MYO1D: variants seen among roughly 807,000 people sequenced by gnomAD.
The protein encoded by MYO1D is myosin ID.
In MYO1D, 83 loss-of-function variants were observed where a neutral mutation model predicts 122.0. The ratio of observed to expected loss-of-function variants is 0.68; its 90% confidence interval spans 0.57 to 0.82. The LOEUF (loss-of-function observed/expected upper bound fraction) is 0.82, where lower values mean the gene tolerates loss of function less well. Ranked by LOEUF, MYO1D falls within the 40% of genes least tolerant of loss-of-function variation. The probability of loss-of-function intolerance (pLI) is 0.00; values close to 1 mark genes in which losing one functional copy is unlikely to be tolerated. For synonymous variants in MYO1D, 464 were observed against 446.9 expected (o/e 1.04, Z -0.48); for missense variants, 1,157 against 1,269.5 (o/e 0.91, Z 1.35).
intron 1 of MYO1D, among the ~76,000 whole-genome samples, chr17:32,855,297 G>A (rs1176341544): frequency 6.6e-6 from 1 of 152,074 alleles, no homozygotes; most frequent in East Asian, 1.9e-4. Context: ...GGCACCCCCA[G>A]ATACCCTCCT....
chr17:32,609,720 T>C (rs1468411121), intron 20 of MYO1D, among the ~76,000 whole-genome samples: 1 of 152,114 alleles, frequency 6.6e-6, no homozygotes, highest in African/African-American at 2.4e-5. Context: ...TACATTTTCA[T>C]AGGAGGTGAG....
intron 16 of MYO1D, among the ~76,000 whole-genome samples, chr17:32,660,132 T>C (rs1258311847): frequency 5.9e-5 from 9 of 152,150 alleles, no homozygotes; most frequent in Non-Finnish European, 1.3e-4. Context: ...TCTTCCACAA[T>C]ATGGAAGTGT....
intron 21 of MYO1D, among the ~76,000 whole-genome samples, chr17:32,595,667 T>G (rs2087484533): frequency 6.6e-6 from 1 of 152,170 alleles, no homozygotes; most frequent in South Asian, 2.1e-4. Flanking sequence ...CAATGAGTAT[T>G]CAACAGTTAT....
chr17:32,765,956 C>A (rs1177443238), intron 7 of MYO1D, among the ~76,000 whole-genome samples: 1 of 152,038 alleles, frequency 6.6e-6, no homozygotes, highest in Non-Finnish European at 1.5e-5. Flanking sequence ...CACCATGGCT[C>A]ACTGCAGCCT....
chr17:32,684,882 T>G (rs2088983846), intron 16 of MYO1D, among the ~76,000 whole-genome samples: 1 of 152,220 alleles, frequency 6.6e-6, no homozygotes, highest in Non-Finnish European at 1.5e-5. Flanking sequence ...AAAATTTCAC[T>G]GAAAATACAA....
chr17:32,751,782 C>T (rs956697911), intron 11 of MYO1D, among the ~76,000 whole-genome samples: 1 of 151,708 alleles, frequency 6.6e-6, no homozygotes, highest in African/African-American at 2.4e-5. Flanking sequence ...ATAGATGACA[C>T]AAAAAAATGA....
At chr17:32,544,677 T>C (rs953117501) in intron 21 of MYO1D, among the ~76,000 whole-genome samples, 7 of 152,192 alleles carry the variant, frequency 4.6e-5, no homozygotes, top group African/African-American at 1.7e-4. Context: ...GGAAAGTAGG[T>C]ATACTTGCAT....
At chr17:32,871,168 T>C (rs2091175745) in intron 1 of MYO1D, among the ~76,000 whole-genome samples, 1 of 152,050 alleles carries the variant, frequency 6.6e-6, no homozygotes, top group African/African-American at 2.4e-5. Flanking sequence ...CAGCTAGGGA[T>C]AATATTGCAT....
chr17:32,527,618 C>T (rs1330318893), intron 21 of MYO1D, among the ~76,000 whole-genome samples: 1 of 150,810 alleles, frequency 6.6e-6, no homozygotes, highest in Non-Finnish European at 1.5e-5. Context: ...CATAGTGAGA[C>T]CCCGTCTATA....
At chr17:32,614,824 G>A (rs927573048) in intron 20 of MYO1D, among the ~76,000 whole-genome samples, 5 of 152,194 alleles carry the variant, frequency 3.3e-5, no homozygotes, top group African/African-American at 7.2e-5. Flanking sequence ...GTGCCATGCC[G>A]TGAGGCAGCC....
At chr17:32,832,402 C>G (rs752217901) in intron 1 of MYO1D, among the ~76,000 whole-genome samples, 1 of 151,780 alleles carries the variant, frequency 6.6e-6, no homozygotes. Flanking sequence ...CTGGTTCATG[C>G]CTTTCTCCTG....
intron 21 of MYO1D, among the ~76,000 whole-genome samples, chr17:32,503,907 A>G (rs755344200): frequency 3.9e-4 from 59 of 152,186 alleles, no homozygotes; most frequent in Non-Finnish European, 6.6e-4. Context: ...GCTTTAGGAA[A>G]TGCCACTTCT....
At chr17:32,860,306 G>A (rs967607709) in intron 1 of MYO1D, among the ~76,000 whole-genome samples, 3 of 152,186 alleles carry the variant, frequency 2.0e-5, no homozygotes, top group Non-Finnish European at 2.9e-5. Context: ...GTTTAAGCCA[G>A]TTTGGTCTGG....
intron 21 of MYO1D, among the ~76,000 whole-genome samples, chr17:32,543,887 G>C (rs1209207628): frequency 6.6e-6 from 1 of 152,024 alleles, no homozygotes; most frequent in East Asian, 1.9e-4. Flanking sequence ...CCGCCTCCCA[G>C]GCTCAAGCAA....
intron 10 of MYO1D, among the ~76,000 whole-genome samples, chr17:32,759,133 C>T (rs1004499733): frequency 6.6e-5 from 10 of 152,020 alleles, no homozygotes; most frequent in Admixed American, 5.9e-4. Flanking sequence ...CTTAATTGAA[C>T]TGAATTAAAT....
rs755150206 is a variant in MYO1D at position 32,630,233 on chromosome 17, T to C, written c.2709+8489A>G. On this transcript the variant is annotated intron_variant, in intron 20 of 21. Transcript: ENST00000318217. ...CAAGCACATCTAGTATTCAGATCTG[T>C]TTCTTTCTTTTGTAGAGACAGTGTC... Among the ~76,000 whole-genome samples the C allele has an allele frequency of 5.9e-5, 9 of 152,176 alleles. No homozygotes were observed. The East Asian group carries it at 1.7e-3, about 29-fold the overall frequency.
chr17:32,712,044 T>C lies in MYO1D; in HGVS notation c.2065A>G (p.Thr689Ala), dbSNP rs1465030630. The C allele has an allele frequency of 2.5e-6, 4 of 1,614,168 alleles. No individual in the cohort carries two copies. The highest frequency in any genetic ancestry group is 2.5e-6 in the Non-Finnish European group (3 of 1,180,014). ...IFIRTPRTLF[T>A]LEELRAQMLI... ...ATCTGGGCACGGAGTTCTTCCAAGG[T>C]AAACAATGTTCGGGGTGTTCGAATG... The change falls in exon 16 of 22, where the codon ACC becomes GCC. Residue 689 changes from threonine (T) to alanine (A), a missense_variant. Coordinates refer to ENST00000318217, the MANE Select transcript of MYO1D (RefSeq NM_015194.3).
intron 16 of MYO1D, among the ~76,000 whole-genome samples, chr17:32,681,144 TTTTC>T (rs1452969449): frequency 1.3e-5 from 2 of 152,074 alleles, no homozygotes; most frequent in African/African-American, 2.4e-5. Flanking sequence ...TTCTCTCTTT[TTTTC>T]TTTATTAGTC....
chr17:32,778,353 C>T, intron 3 of MYO1D, 127 bp downstream of exon 3: 1 of 674,218 alleles, frequency 1.5e-6, no homozygotes, highest in Non-Finnish European at 2.5e-6. Context: ...GTAGCTTAAT[C>T]ATCAAAAAAT....
Sources: gnomAD v4.1 joint callset for allele counts (sites outside exome capture counted in the v4.1 genomes callset) on GRCh38, gnomAD v4.1.1 for gene constraint, MANE v1.5 for transcripts, NCBI Gene and HGNC (gene_info 2026-07-23, HGNC 2026-07-21) for gene names.